MED12L: variants seen among roughly 807,000 people sequenced by gnomAD.
MED12L encodes mediator of RNA polymerase II transcription subunit 12-like protein.
A neutral mutation model predicts 281.3 loss-of-function variants in MED12L; 60 were observed. That is an observed-to-expected ratio of 0.21 (90% confidence interval 0.17 to 0.26). MED12L has a LOEUF of 0.26. Ranked by LOEUF, MED12L falls within the 10% of genes least tolerant of loss-of-function variation. The pLI, the probability that MED12L is intolerant of heterozygous loss-of-function variation, is 1.00. For missense variants in MED12L, 2,146 were observed against 2,680.9 expected, an observed-to-expected ratio of 0.80 and a Z score of 4.41; for synonymous variants, 974 against 987.2, an observed-to-expected ratio of 0.99 and a Z score of 0.25.
intron 8 of MED12L, 82 bp downstream of exon 8, chr3:151,160,183 A>G (rs1719802602): frequency 7.4e-7 from 1 of 1,351,144 alleles, no homozygotes; most frequent in South Asian, 1.6e-5. Context: ...TCAATTCTCT[A>G]GTTGACTTTT....
intron 43 of MED12L, among the ~76,000 whole-genome samples, chr3:151,429,820 G>C (rs1486837869): frequency 6.6e-6 from 1 of 152,174 alleles, no homozygotes. Context: ...ATCATATGGG[G>C]AGGGTATAGT....
chr3:151,403,725 G>C (rs534964538), intron 39 of MED12L, among the ~76,000 whole-genome samples: 12 of 152,308 alleles, frequency 7.9e-5, no homozygotes, highest in African/African-American at 2.9e-4. Context: ...CATCTCAGAT[G>C]TGACTGTAAG....
chr3:151,368,570 G>A (rs2107955640), intron 25 of MED12L, among the ~76,000 whole-genome samples: 1 of 147,870 alleles, frequency 6.8e-6, no homozygotes, highest in South Asian at 2.2e-4. Flanking sequence ...CATCACAGCA[G>A]CTTAGGGCAA....
intron 39 of MED12L, among the ~76,000 whole-genome samples, chr3:151,406,373 T>C (rs2108325091): frequency 6.6e-6 from 1 of 152,348 alleles, no homozygotes; most frequent in South Asian, 2.1e-4. Flanking sequence ...ACATTATTCT[T>C]GGAAAAACAA....
In MED12L at chr3:151,165,964, A is replaced by G; in HGVS notation, c.1476A>G (p.Gln492=). 1.2e-6 allele frequency: 2 copies of G among 1,611,622 alleles called. No individual in the cohort carries two copies. Among genetic ancestry groups the G allele is most frequent in the Middle Eastern group, 1.7e-4 (1 of 6,052 alleles). ...TLYHKIFWAN[Q]NKDNQEVAPN... is the part of the protein sequence containing the mutation. The stretch of plus-strand genomic sequence containing the variant: ...ATCATAAGATTTTCTGGGCAAACCA[A>G]AACAAAGATAACCAAGAGGTAGTTA... Residue 492 remains glutamine, a synonymous_variant, in exon 11 of 45, where the codon CAA becomes CAG. Transcript: ENST00000687756.
At chr3:151,348,636 G>A (rs1170181276) in intron 16 of MED12L, among the ~76,000 whole-genome samples, 4 of 151,802 alleles carry the variant, frequency 2.6e-5, no homozygotes, top group Non-Finnish European at 5.9e-5. Flanking sequence ...TGGGGGTGGG[G>A]AATAGATAGA....
chr3:151,348,192 A>T (rs1377238988), intron 16 of MED12L, among the ~76,000 whole-genome samples: 1 of 152,156 alleles, frequency 6.6e-6, no homozygotes, highest in African/African-American at 2.4e-5. Context: ...ATCAGCCTTC[A>T]CATGGACATT....
intron 33 of MED12L, 134 bp from the exon 34 acceptor site, chr3:151,383,645 G>T: frequency 1.7e-6 from 1 of 595,880 alleles, no homozygotes; most frequent in Non-Finnish European, 3.0e-6. Flanking sequence ...AAAGAGAAAA[G>T]ATAAGGTAAT....
intron 4 of MED12L, among the ~76,000 whole-genome samples, chr3:151,123,831 T>C (rs547183899): frequency 2.0e-5 from 3 of 152,354 alleles, no homozygotes; most frequent in African/African-American, 7.2e-5. Flanking sequence ...AGCAACTCTT[T>C]GAAAATAGTG....
intron 16 of MED12L, among the ~76,000 whole-genome samples, chr3:151,202,953 C>T (rs1725841084): frequency 6.6e-6 from 1 of 152,084 alleles, no homozygotes; most frequent in South Asian, 2.1e-4. Context: ...TAGTGTCATT[C>T]ACAGCTAGGA....
intron 8 of MED12L, among the ~76,000 whole-genome samples, chr3:151,160,838 T>C (rs1346642873): frequency 6.6e-6 from 1 of 152,224 alleles, no homozygotes; most frequent in African/African-American, 2.4e-5. Context: ...GGGGAACCTC[T>C]AGTCCAGCCT....
intron 16 of MED12L, among the ~76,000 whole-genome samples, chr3:151,265,860 G>T (rs1418400552): frequency 1.3e-5 from 2 of 152,110 alleles, no homozygotes; most frequent in Non-Finnish European, 2.9e-5. Flanking sequence ...AGGGTCTCTT[G>T]GTCCTTTTCA....
intron 16 of MED12L, chr3:151,269,397 TCA>T (rs71801434): frequency 0.022 from 3,164 of 144,738 alleles, 42 homozygotes; most frequent in African/African-American, 0.032. Context: ...TGAAACTCCA[TCA>T]CACACACACA....
At chr3:151,200,814 G>A (rs1167780420) in intron 16 of MED12L, 1 of 152,174 alleles carries the variant, frequency 6.6e-6, no homozygotes, top group Non-Finnish European at 1.5e-5. Context: ...TACTTTACAT[G>A]TACTTATTTA....
At chr3:151,093,392 A>G (rs1365214564) in intron 2 of MED12L, among the ~76,000 whole-genome samples, 14 of 152,340 alleles carry the variant, frequency 9.2e-5, no homozygotes, top group African/African-American at 3.4e-4. Context: ...TGCATTTTAA[A>G]CAAGCTTTCT....
intron 16 of MED12L, among the ~76,000 whole-genome samples, chr3:151,236,914 A>T (rs1479541287): frequency 6.6e-6 from 1 of 152,046 alleles, no homozygotes; most frequent in Non-Finnish European, 1.5e-5. Context: ...TGCCATTGTG[A>T]GTCATGCCGA....
At chr3:151,301,229 G>A (rs1405768573) in intron 16 of MED12L, among the ~76,000 whole-genome samples, 11 of 152,132 alleles carry the variant, frequency 7.2e-5, no homozygotes, top group Non-Finnish European at 4.4e-5. Flanking sequence ...AGTTTACTGG[G>A]GAGAATGACT....
At position 151,122,988 on chromosome 3, in the gene MED12L, C is replaced by T; in HGVS notation, c.396+14C>T. The T allele has an allele frequency of 1.3e-6, 2 of 1,580,518 alleles. No individual in the cohort carries two copies. Among genetic ancestry groups the T allele is most frequent in the Admixed American group, 1.8e-5 (1 of 57,036 alleles). ...TTGGCAAAAAAGGTATCAAATATTTCTTACATTGTTTTAGTTATGGTCTTA... is the reference window on the plus strand; with the variant it reads ...TTGGCAAAAAAGGTATCAAATATTTTTTACATTGTTTTAGTTATGGTCTTA... On this transcript the variant is annotated intron_variant, in intron 4 of 44. Transcript: ENST00000687756.
chr3:151,351,311 G>A (rs1210987637), intron 17 of MED12L, among the ~76,000 whole-genome samples: 1 of 152,176 alleles, frequency 6.6e-6, no homozygotes, highest in Non-Finnish European at 1.5e-5. Flanking sequence ...ATCTGCATAT[G>A]GCATTCTGGG....
Sources: gnomAD v4.1 joint callset for allele counts (sites outside exome capture counted in the v4.1 genomes callset) on GRCh38, gnomAD v4.1.1 for gene constraint, MANE v1.5 for transcripts, NCBI Gene and HGNC (gene_info 2026-07-23, HGNC 2026-07-21) for gene names.